The following SEM1 variants were observed in gnomAD, a reference collection of about 807,000 sequenced individuals.
SEM1 encodes SEM1 26S proteasome subunit, also known as 26S proteasome complex subunit SEM1.
Under a neutral mutation model 12.7 loss-of-function variants are expected in SEM1, and 3 were observed. The ratio of observed to expected loss-of-function variants is 0.24; its 90% CI spans 0.11 to 0.61. The LOEUF is 0.61. SEM1 is among the 20% of genes least tolerant of loss of function. The probability of loss-of-function intolerance (pLI) is 0.88; values close to 1 mark genes in which losing one functional copy is unlikely to be tolerated. For synonymous variants in SEM1, 30 were observed against 27.8 expected (o/e 1.08, Z -0.25); for missense variants, 59 against 81.3 (o/e 0.73, Z 1.06).
intron 1 of SEM1, among the ~76,000 whole-genome samples, chr7:96,493,440 C>T (rs979629821): frequency 4.6e-5 from 7 of 151,934 alleles, no homozygotes; most frequent in Non-Finnish European, 8.8e-5. Flanking sequence ...TTTACCAGTG[C>T]CCTTCTCCTA....
intron 2 of SEM1, among the ~76,000 whole-genome samples, chr7:96,638,713 C>G (rs78959366): frequency 1.5e-3 from 223 of 152,006 alleles, no homozygotes; most frequent in African/African-American, 5.1e-3. Context: ...ACCTTCTCTC[C>G]TAGTGTAAGC....
At chr7:96,704,010 C>CACACACACACACACACACACAT (rs1390081341) in intron 1 of SEM1, among the ~76,000 whole-genome samples, 2 of 143,742 alleles carry the variant, frequency 1.4e-5, no homozygotes, top group African/African-American at 5.1e-5. Context: ...CACACACACA[C>CACACACACACACACACACACAT]ATACATAAAA....
chr7:96,672,905 G>C (rs946062141), downstream of SEM1: 2 of 152,116 alleles, frequency 1.3e-5, no homozygotes, highest in African/African-American at 2.4e-5. Context: ...CTTACCAGAG[G>C]TGTGACCTTA....
At chr7:96,487,003 C>A (rs1017992093) in intron 1 of SEM1, among the ~76,000 whole-genome samples, 13 of 152,102 alleles carry the variant, frequency 8.5e-5, no homozygotes, top group Non-Finnish European at 1.5e-4. Context: ...AGCTAGGATG[C>A]CAGCACAGCT....
At chr7:96,642,394 GA>G (rs1808642991) in intron 2 of SEM1, among the ~76,000 whole-genome samples, 1 of 151,960 alleles carries the variant, frequency 6.6e-6, no homozygotes. Flanking sequence ...CTGAGCTCAG[GA>G]AAACTTACTT....
chr7:96,621,699 A>G (rs761123551), downstream of SEM1: 4 of 152,254 alleles, frequency 2.6e-5, no homozygotes, highest in Non-Finnish European at 4.4e-5. Flanking sequence ...TACATACATT[A>G]TTGAAATAAA....
rs1352523783 is a variant in SEM1, at chr7:96,561,586, G to GT, written c.171-54889dup. 3.3e-4 allele frequency among the ~76,000 whole-genome samples: 50 copies of GT among 152,270 alleles called. No homozygotes were observed. In the Middle Eastern group the frequency reaches 0.014, roughly 41 times the overall value. On this transcript the variant is annotated intron_variant and NMD_transcript_variant, in intron 2 of 3. Coordinates refer to the SEM1 transcript ENST00000466986. ...TTATGAATTGATCACCCCTACCCTT[G>GT]TATCTGCTTTTCAGCTGACCTAAAT... is the stretch of plus-strand genomic sequence containing the variant.
intron 2 of SEM1, among the ~76,000 whole-genome samples, chr7:96,563,482 T>C (rs561118083): frequency 6.6e-6 from 1 of 152,266 alleles, no homozygotes; most frequent in East Asian, 1.9e-4. Context: ...CCAGTCAATA[T>C]GACTATATTT....
At chr7:96,512,007 G>T (rs918708539) in intron 2 of SEM1, among the ~76,000 whole-genome samples, 1 of 152,108 alleles carries the variant, frequency 6.6e-6, no homozygotes. Context: ...AGGTGCTGCT[G>T]CTGCTGTTCC....
intron 2 of SEM1, among the ~76,000 whole-genome samples, chr7:96,547,851 A>G (rs1447613106): frequency 2.6e-5 from 4 of 152,134 alleles, no homozygotes; most frequent in Admixed American, 1.3e-4. Flanking sequence ...CTCCCAGCTC[A>G]GTTAAAAAGA....
chr7:96,690,257 G>C (rs1024763649), intron 2 of SEM1, among the ~76,000 whole-genome samples: 1 of 151,894 alleles, frequency 6.6e-6, no homozygotes, highest in African/African-American at 2.4e-5. Context: ...CAAAAACAAT[G>C]AACAAAAAAA....
intron 2 of SEM1, among the ~76,000 whole-genome samples, chr7:96,574,464 C>G (rs1396203105): frequency 1.3e-5 from 2 of 152,178 alleles, no homozygotes; most frequent in African/African-American, 4.8e-5. Context: ...AATGGGATCA[C>G]TGGGTCAAAT....
chr7:96,554,494 A>G (rs1805410705), intron 2 of SEM1, among the ~76,000 whole-genome samples: 1 of 141,352 alleles, frequency 7.1e-6, no homozygotes, highest in African/African-American at 2.6e-5. Flanking sequence ...ATGCTGGATT[A>G]CATTTATTGA....
At position 96,644,927 on chromosome 7, in the gene SEM1, T is replaced by A. The variant is rs746536746; in HGVS notation, c.171-22284A>T. On this transcript the variant is annotated intron_variant, in intron 2 of 2. Transcript: ENST00000417009. ...CACCAGTCAGATTCCAAGAGTTTTT[T>A]AAATCAGATTCCAAGAGTTTTTATA... 4.6e-5 allele frequency among the ~76,000 whole-genome samples: 7 copies of A among 152,200 alleles called. No homozygotes were observed. In the South Asian group the frequency reaches 1.4e-3, roughly 31 times the overall value.
intron 2 of SEM1, among the ~76,000 whole-genome samples, chr7:96,607,979 CAG>C (rs1482667019): frequency 6.6e-6 from 1 of 152,182 alleles, no homozygotes; most frequent in African/African-American, 2.4e-5. Flanking sequence ...TTGAGGGACT[CAG>C]GGGCTGATAA....
intron 2 of SEM1, among the ~76,000 whole-genome samples, chr7:96,614,658 C>T (rs569235348): frequency 1.3e-5 from 2 of 152,350 alleles, no homozygotes; most frequent in African/African-American, 4.8e-5. Context: ...GAGTCCAGTT[C>T]AGGTCTCTCA....
chr7:96,684,584 G>A (rs1295039000), downstream of SEM1, among the ~76,000 whole-genome samples: 2 of 152,098 alleles, frequency 1.3e-5, no homozygotes. Context: ...AGTTGATAGG[G>A]CTCACCAATG....
chr7:96,504,054 T>C (rs948718076), intron 3 of SEM1, among the ~76,000 whole-genome samples: 14 of 152,116 alleles, frequency 9.2e-5, no homozygotes, highest in African/African-American at 3.4e-4. Context: ...GAGGAAAGGG[T>C]TCCCTTTAAG....
chr7:96,503,595 T>A (rs919063104), intron 3 of SEM1: 1 of 152,146 alleles, frequency 6.6e-6, no homozygotes, highest in Admixed American at 6.6e-5. Flanking sequence ...TTTCATCTTC[T>A]CTTAGATATC....
Sources: gnomAD v4.1 joint callset for allele counts (sites outside exome capture counted in the v4.1 genomes callset) on GRCh38, gnomAD v4.1.1 for gene constraint, MANE v1.5 for transcripts, NCBI Gene and HGNC (gene_info 2026-07-23, HGNC 2026-07-21) for gene names.